Variants in MICAL3 observed in about 807,000 individuals in gnomAD.
MICAL3 encodes [F-actin]-monooxygenase MICAL3.
In MICAL3, 62 loss-of-function variants were observed where a neutral mutation model predicts 207.4. The observed-to-expected ratio is 0.30, with a 90% confidence interval of 0.24 to 0.37. The LOEUF is 0.37. Ranked by LOEUF, MICAL3 falls within the 10% of genes least tolerant of loss-of-function variation. The pLI, the probability that MICAL3 is intolerant of heterozygous loss-of-function variation, is 1.00. For synonymous variants in MICAL3, 1,077 were observed against 1,069.3 expected, an observed-to-expected ratio of 1.01 and a Z score of -0.14; for missense variants, 2,368 against 2,635.6, an observed-to-expected ratio of 0.90 and a Z score of 2.22.
chr22:17,851,183 C>T (rs576883262), intron 19 of MICAL3, among the ~76,000 whole-genome samples: 2 of 152,312 alleles, frequency 1.3e-5, no homozygotes, highest in African/African-American at 2.4e-5. Flanking sequence ...GGTTCAAATA[C>T]GTGGCTCGTG....
At chr22:17,924,994 G>A (rs566264124) in intron 1 of MICAL3, among the ~76,000 whole-genome samples, 11 of 152,268 alleles carry the variant, frequency 7.2e-5, no homozygotes, top group African/African-American at 2.6e-4. Context: ...ACAGAACAAT[G>A]AAATTGACCA....
rs1257615777 is a variant in MICAL3 at position 17,817,612 on chromosome 22, A to G, written c.5049T>C (p.Asp1683=). The G allele has an allele frequency of 6.2e-7, 1 of 1,613,292 alleles. No individual in the cohort carries two copies. The highest frequency in any genetic ancestry group is 1.7e-5 in the Admixed American group (1 of 60,016). Residue 1683 remains aspartate (D), a synonymous_variant, in exon 26 of 32, where the codon GAT becomes GAC. Coordinates refer to ENST00000441493, the MANE Select transcript of MICAL3 (RefSeq NM_015241.3). The stretch of plus-strand genomic sequence containing the variant: ...AGCCCTCGGATGAAGTGAAAGAGCC[A>G]TCTGGGCCCCCTGAGTCCGACGGCG... ...LSPPSDSGGP[D]GSFTSSEGSS...
At chr22:17,860,267 C>G in intron 19 of MICAL3, 1 of 985,266 alleles carries the variant, frequency 1.0e-6, no homozygotes, top group Non-Finnish European at 1.2e-6. Context: ...CAAAGTTACA[C>G]AATTAAATAA....
intron 29 of MICAL3, chr22:17,803,659 G>T: frequency 1.1e-5 from 2 of 184,504 alleles, no homozygotes; most frequent in East Asian, 1.9e-4. Context: ...AGATCAGCAC[G>T]CTGCTCTGTT....
rs745384376 is a variant in MICAL3 at position 17,790,359 on chromosome 22, C to T, written c.*373G>A. 31 of 233,104 alleles carry T rather than the reference C, an allele frequency of 1.3e-4. No individual in the cohort carries two copies. The highest frequency in any genetic ancestry group is 4.7e-4 in the African/African-American group (21 of 44,614). 14.4% of individuals were successfully genotyped at this position (233,104 alleles called of 1,614,324 possible). A position where few individuals can be genotyped will look rare whatever the true frequency, so the allele number is the denominator to read the frequency against. ...GAAGAAGACAGTGCCCCTCGCACGG[C>T]GCACTGTGGTTCTGACGGGGAGCAG... On this transcript the variant is annotated 3_prime_UTR_variant, in exon 32 of 32. Transcript: ENST00000441493.
intron 1 of MICAL3, among the ~76,000 whole-genome samples, chr22:17,950,530 TTTCACTA>T (rs1474780923): frequency 2.4e-4 from 36 of 151,948 alleles, no homozygotes; most frequent in African/African-American, 8.5e-4. Context: ...AGAGACAGGG[TTTCACTA>T]TGTTTGCCAG....
Position 17,902,694 on chromosome 22 carries a change from C to T in MICAL3, c.526G>A (p.Glu176Lys). 1 of 1,607,558 alleles carries T rather than the reference C, an allele frequency of 6.2e-7. No homozygotes were observed. The highest frequency in any genetic ancestry group is 8.5e-7 in the Non-Finnish European group (1 of 1,176,650). ...TGGAATTCCACATTGACGTGGATTT[C>T]AATGCCTAGGATCAAGGCTACTTTC... The part of the protein sequence containing the change: ...LLKVALILGI[E>K]IHVNVEFQGL... Residue 176 changes from glutamate (E) to lysine (K), a missense_variant, in exon 4 of 32, where the codon GAA becomes AAA. Physicochemically the swap from Glu to Lys is moderately conservative, Grantham distance 56. Around this residue, in one of 4 missense-constraint regions of MICAL3, gnomAD observed 400 missense variants for 547.0 expected, o/e 0.73. Transcript: ENST00000441493. This position sits in a 1 kb window ranked among gnomAD's most constrained non-coding sequence, Gnocchi z 4.5.
At chr22:17,957,282 T>C (rs1437471057) in intron 1 of MICAL3, among the ~76,000 whole-genome samples, 6 of 152,218 alleles carry the variant, frequency 3.9e-5, no homozygotes, top group Non-Finnish European at 8.8e-5. Context: ...CTGATGGCCA[T>C]GCAGCTGGCT....
Position 17,902,104 on chromosome 22 carries a change from C to A in MICAL3, c.590-125G>T. ...GGGCCAAAAACACTATGTGTAGAAG[C>A]AGTGGAGACAGAGGCTGTGCACGGT... On this transcript the variant is annotated intron_variant, in intron 4 of 31. Coordinates refer to ENST00000441493, the MANE Select transcript of MICAL3 (RefSeq NM_015241.3). The surrounding 1 kb of genome is among the most constrained non-coding windows in gnomAD (Gnocchi z 4.5). The A allele has an allele frequency of 1.5e-6, 1 of 662,620 alleles. No homozygotes were observed. Among genetic ancestry groups the A allele is most frequent in the Non-Finnish European group, 2.6e-6 (1 of 381,072 alleles). 41.0% of individuals were successfully genotyped at this position (662,620 alleles called of 1,614,324 possible). A position where few individuals can be genotyped will look rare whatever the true frequency, so the allele number is the denominator to read the frequency against.
rs986147111 is a variant in MICAL3 at position 17,819,082 on chromosome 22, A to G, written c.3579T>C (p.Pro1193=). Residue 1193 remains proline, a synonymous_variant, in exon 26 of 32, where the codon CCT becomes CCC. Transcript: ENST00000441493. ...AAGGCTCAGGGAAAAGGCGCTCCTC[A>G]GGTGATTTCTCCTGGGTGGCGGCAG... ...PVPAATQEKS[P]EERLFPEPLL... is the part of the protein sequence containing the mutation. 2.0e-6 allele frequency: 3 copies of G among 1,534,098 alleles called. No individual in the cohort carries two copies. Among genetic ancestry groups the G allele is most frequent in the African/African-American group, 2.8e-5 (2 of 72,382 alleles).
intron 20 of MICAL3, among the ~76,000 whole-genome samples, chr22:17,839,100 T>A (rs1488539983): frequency 6.6e-6 from 1 of 151,636 alleles, no homozygotes; most frequent in Non-Finnish European, 1.5e-5. Context: ...TAGTTGGGAT[T>A]ACAGGCAGGT....
At chr22:17,792,217 TCCTG>T (rs1316831311) in intron 29 of MICAL3, among the ~76,000 whole-genome samples, 1 of 152,240 alleles carries the variant, frequency 6.6e-6, no homozygotes, top group Admixed American at 6.5e-5. Flanking sequence ...AAAAGTGTGG[TCCTG>T]CCTAAAATAC....
chr22:17,976,514 C>G, intron 1 of MICAL3, among the ~76,000 whole-genome samples: 1 of 127,456 alleles, frequency 7.8e-6, no homozygotes, highest in Non-Finnish European at 1.6e-5. Flanking sequence ...ATAAAATATA[C>G]ATGTATATAT....
At chr22:17,879,227 C>T (rs754084010) in intron 16 of MICAL3, 161 of 746,484 alleles carry the variant, frequency 2.2e-4, no homozygotes, top group Non-Finnish European at 3.2e-4. Flanking sequence ...GTGACAAGAG[C>T]GTGCAAAAAG....
In MICAL3 at chr22:17,996,158, G is replaced by A. The variant is rs78391372; in HGVS notation, c.-75+28123C>T. Among the ~76,000 whole-genome samples, 3 of 137,802 alleles carry A rather than the reference G, an allele frequency of 2.2e-5. No individual in the cohort carries two copies. The East Asian group carries it at 6.1e-4, about 28-fold the overall frequency. The allele number at this position is 137,802 out of a possible 152,430, so 90.4% of individuals were successfully genotyped here. A position where few individuals can be genotyped will look rare whatever the true frequency, so the allele number is the denominator to read the frequency against. On this transcript the variant is annotated intron_variant, in intron 1 of 31. Coordinates refer to ENST00000441493, the MANE Select transcript of MICAL3 (RefSeq NM_015241.3). ...TTAAAAAAAAAAAAAAAAAAAAAAA[G>A]GCTGGGCACAGTGGCTCACACCTGT...
intron 12 of MICAL3, among the ~76,000 whole-genome samples, chr22:17,891,054 C>A (rs1930355267): frequency 1.3e-5 from 2 of 152,216 alleles, no homozygotes; most frequent in South Asian, 4.1e-4. Flanking sequence ...AGTAGTGACA[C>A]ATTTGCCTTG....
chr22:17,938,688 G>A (rs1201952957), intron 1 of MICAL3, among the ~76,000 whole-genome samples: 2 of 152,112 alleles, frequency 1.3e-5, no homozygotes, highest in African/African-American at 4.8e-5. Flanking sequence ...AGGACTAAAC[G>A]GAAGCGTGGC....
Position 17,876,838 on chromosome 22 carries a change from G to GGGAGGTTAGGGAGCTTAT in MICAL3, c.2242-4816_2242-4815insATAAGCTCCCTAACCTCC, listed in dbSNP as rs1928512146. On this transcript the variant is annotated intron_variant, in intron 16 of 31. Coordinates refer to ENST00000441493, the MANE Select transcript of MICAL3 (RefSeq NM_015241.3). ...GAGGTTAGGGAGGTTATGGAGGTTA[G>GGGAGGTTAGGGAGCTTAT]GGAGGTTAGGGAGGTTATGGAGGTT... is the stretch of plus-strand genomic sequence containing the variant. The GGGAGGTTAGGGAGCTTAT allele has an allele frequency of 1.7e-4, 10 of 58,950 alleles. 1 individual carries two copies. Among genetic ancestry groups the GGGAGGTTAGGGAGCTTAT allele is most frequent in the Admixed American group, 7.6e-4 (5 of 6,564 alleles). 3.7% of individuals were successfully genotyped at this position (58,950 alleles called of 1,614,324 possible).
At chr22:17,887,048 C>G in intron 15 of MICAL3, 122 bp downstream of exon 15, 1 of 318,280 alleles carries the variant, frequency 3.1e-6, no homozygotes, top group Non-Finnish European at 5.7e-6. Context: ...AAAAGCCCAA[C>G]AGAAATTCTC....
Sources: gnomAD v4.1 joint callset for allele counts (sites outside exome capture counted in the v4.1 genomes callset) on GRCh38, gnomAD v4.1.1 for gene constraint, gnomAD v4.1.1 regional missense constraint, Gnocchi (gnomAD v3.1) non-coding constraint, MANE v1.5 for transcripts, NCBI Gene and HGNC (gene_info 2026-07-23, HGNC 2026-07-21) for gene names.